The following DUSP16 variants were observed in gnomAD, a reference collection of about 807,000 sequenced individuals.
DUSP16 encodes the protein dual specificity phosphatase 16, also known as dual specificity protein phosphatase 16.
Under a neutral mutation model 58.3 loss-of-function variants are expected in DUSP16, and 21 were observed. That is an observed-to-expected ratio of 0.36 (90% CI 0.26 to 0.52). The LOEUF (loss-of-function observed/expected upper bound fraction) is 0.52. DUSP16 is among the 20% of genes least tolerant of loss of function. The pLI, the probability that DUSP16 is intolerant of heterozygous loss-of-function variation, is 0.94. For synonymous variants in DUSP16, 320 were observed against 323.8 expected (o/e 0.99, Z 0.12); for missense variants, 726 against 819.0 (o/e 0.89, Z 1.39).
chr12:12,543,749 T>C (rs1377342400), intron 1 of DUSP16, among the ~76,000 whole-genome samples: 2 of 152,068 alleles, frequency 1.3e-5, no homozygotes, highest in Non-Finnish European at 2.9e-5. Flanking sequence ...AAAGAATTGG[T>C]TTATCCCTAG....
intron 1 of DUSP16, chr12:12,554,583 A>T (rs1944780694): frequency 6.6e-6 from 1 of 152,182 alleles, no homozygotes. Context: ...ATACTCTTTT[A>T]TTCATTTCCC....
intron 3 of DUSP16, among the ~76,000 whole-genome samples, chr12:12,509,146 G>A (rs1426006917): frequency 1.3e-5 from 2 of 152,158 alleles, no homozygotes; most frequent in East Asian, 1.9e-4. Flanking sequence ...CCCATCAAAA[G>A]GAATACAGCC....
At chr12:12,530,304 T>A (rs1484760407) in intron 1 of DUSP16, among the ~76,000 whole-genome samples, 1 of 152,244 alleles carries the variant, frequency 6.6e-6, no homozygotes, top group East Asian at 1.9e-4. Context: ...GCCATTTGCA[T>A]GTTTTCTTTG....
Position 12,477,831 on chromosome 12 carries a change from C to G in DUSP16, c.1000G>C (p.Glu334Gln), listed in dbSNP as rs779032871. The change falls in exon 7 of 7, where the codon GAG becomes CAG. Residue 334 changes from glutamate to glutamine, a missense_variant. By Grantham distance (29) the Glu-to-Gln change is conservative. Coordinates refer to ENST00000298573, the MANE Select transcript of DUSP16 (RefSeq NM_030640.3). The surrounding 1 kb of genome is among the most constrained non-coding windows in gnomAD (Gnocchi z 4.1). ...PAVSEGGQKS[E>Q]TPLSPPCADS... ...GCACAGGGTGGACTGAGGGGCGTCT[C>G]GCTTTTCTGTCCACCCTCTGAGACA... 13 of 1,613,956 alleles carry G rather than the reference C, an allele frequency of 8.1e-6. 1 individual carries two copies. The Admixed American group carries it at 1.3e-4, about 17-fold the overall frequency.
intron 1 of DUSP16, chr12:12,554,598 CTG>C (rs1353771845): frequency 6.6e-6 from 1 of 152,324 alleles, no homozygotes; most frequent in African/African-American, 2.4e-5. Flanking sequence ...TTTCCCACTT[CTG>C]TGTGTTTGTG....
chr12:12,560,240 GA>G (rs201109235), intron 1 of DUSP16, among the ~76,000 whole-genome samples: 1,751 of 147,230 alleles, frequency 0.012, 26 homozygotes, highest in African/African-American at 0.038. Flanking sequence ...TACTAAAAAA[GA>G]AAAAAAAAAT....
At position 12,527,628 on chromosome 12, in the gene DUSP16, T is replaced by A. The variant is rs1010391860; in HGVS notation, c.-365-6165A>T. On this transcript the variant is annotated intron_variant, in intron 1 of 6. Coordinates refer to ENST00000298573, the MANE Select transcript of DUSP16 (RefSeq NM_030640.3). ...TATACTTTATAATATGTACTTTTAT[T>A]TATAAAAGTATAAAACAAAGTAAAA... Among the ~76,000 whole-genome samples the A allele has an allele frequency of 2.0e-5, 3 of 152,152 alleles. No homozygotes were observed. In the East Asian group the frequency reaches 5.8e-4, roughly 29 times the overall value.
chr12:12,525,729 T>TACACAC (rs1214393933), intron 1 of DUSP16, among the ~76,000 whole-genome samples: 2 of 106,488 alleles, frequency 1.9e-5, no homozygotes, highest in African/African-American at 6.6e-5. Flanking sequence ...AAAATATATG[T>TACACAC]ATACACACAC....
intron 1 of DUSP16, among the ~76,000 whole-genome samples, chr12:12,556,704 C>A (rs951380022): frequency 5.3e-5 from 8 of 152,300 alleles, no homozygotes; most frequent in African/African-American, 1.7e-4. Context: ...TTTTAGTTGA[C>A]CACTATGAAG....
Position 12,477,849 on chromosome 12 carries a change from C to T in DUSP16, c.982G>A (p.Glu328Lys), listed in dbSNP as rs1412397266. ...KPNEPVPAVS[E>K]GGQKSETPLS... is the part of the protein sequence containing the mutation. ...GGCGTCTCGCTTTTCTGTCCACCCT[C>T]TGAGACAGCAGGGACAGGTTCATTT... Residue 328 changes from glutamate to lysine, a missense_variant, in exon 7 of 7, where the codon GAG (glutamate) becomes AAG (lysine). Glu to Lys is a moderately conservative substitution (Grantham distance 56). Transcript: ENST00000298573. This position sits in a 1 kb window ranked among gnomAD's most constrained non-coding sequence, Gnocchi z 4.1. 1.2e-6 allele frequency: 2 copies of T among 1,614,118 alleles called. No individual in the cohort carries two copies. Among genetic ancestry groups the T allele is most frequent in the Admixed American group, 1.7e-5 (1 of 59,998 alleles).
intron 3 of DUSP16, among the ~76,000 whole-genome samples, chr12:12,514,812 C>T (rs1204230857): frequency 1.3e-5 from 2 of 152,060 alleles, no homozygotes; most frequent in Admixed American, 6.6e-5. Context: ...ATGATACCAC[C>T]GCACCCGGCT....
chr12:12,561,991 G>C (rs1161824427), intron 1 of DUSP16, 126 bp downstream of exon 1: 4 of 150,156 alleles, frequency 2.7e-5, no homozygotes, highest in Non-Finnish European at 4.5e-5. Context: ...GGCGGGGCTG[G>C]AGCGCGGCGC....
At chr12:12,529,092 T>C (rs2136239664) in intron 1 of DUSP16, among the ~76,000 whole-genome samples, 1 of 152,340 alleles carries the variant, frequency 6.6e-6, no homozygotes, top group Middle Eastern at 3.4e-3. Flanking sequence ...AAATGATGCA[T>C]TTCCAGGAAA....
chr12:12,503,826 C>T (rs11609905), intron 3 of DUSP16, among the ~76,000 whole-genome samples: 33,230 of 152,108 alleles, frequency 0.22, 4,572 homozygotes, highest in Admixed American at 0.28. Context: ...TTTCCCCAAA[C>T]TTATCTGACC....
intron 4 of DUSP16, among the ~76,000 whole-genome samples, chr12:12,496,618 A>G (rs1279879373): frequency 6.6e-6 from 1 of 152,254 alleles, no homozygotes; most frequent in Admixed American, 6.5e-5. Flanking sequence ...CATATGCTGC[A>G]TATATTTAAA....
chr12:12,545,665 A>G (rs1944631344), intron 1 of DUSP16, among the ~76,000 whole-genome samples: 1 of 152,146 alleles, frequency 6.6e-6, no homozygotes. Context: ...ATGAGTTTTG[A>G]CCAAATGTAC....
In DUSP16 at chr12:12,513,877, G is replaced by A. The variant is rs79856228; in HGVS notation, c.367+5985C>T. 3.9e-3 allele frequency among the ~76,000 whole-genome samples: 599 copies of A among 151,972 alleles called. 11 individuals are homozygous for A. In the East Asian group the frequency reaches 0.065, roughly 17 times the overall value. On this transcript the variant is annotated intron_variant, in intron 3 of 6. Coordinates refer to ENST00000298573, the MANE Select transcript of DUSP16 (RefSeq NM_030640.3). Reference sequence around the variant, plus strand: ...CACATATATTTACTTCTAATCTGGCGCTCTTAGAAATAGACAAGTAGAATA... The same window carrying A: ...CACATATATTTACTTCTAATCTGGCACTCTTAGAAATAGACAAGTAGAATA...
chr12:12,515,937 G>A (rs142866879), intron 3 of DUSP16, among the ~76,000 whole-genome samples: 3,114 of 150,048 alleles, frequency 0.021, 165 homozygotes, highest in African/African-American at 0.073. Context: ...CACCATGCCC[G>A]GCTAATTTTT....
intron 5 of DUSP16, 125 bp downstream of exon 5, chr12:12,486,903 T>C (rs1943693119): frequency 8.5e-7 from 1 of 1,171,014 alleles, no homozygotes; most frequent in Non-Finnish European, 1.2e-6. Context: ...CACGTGCTGT[T>C]TTCAGACTTT....
Sources: gnomAD v4.1 joint callset for allele counts (sites outside exome capture counted in the v4.1 genomes callset) on GRCh38, gnomAD v4.1.1 for gene constraint, Gnocchi (gnomAD v3.1) non-coding constraint, MANE v1.5 for transcripts, NCBI Gene and HGNC (gene_info 2026-07-23, HGNC 2026-07-21) for gene names.